RERE: variants seen among roughly 807,000 people sequenced by gnomAD.
RERE encodes arginine-glutamic acid dipeptide repeats protein.
A neutral mutation model predicts 146.1 loss-of-function variants in RERE; 40 were observed. The ratio of observed to expected loss-of-function variants is 0.27; its 90% confidence interval spans 0.21 to 0.36. RERE has a LOEUF of 0.36. Among genes scored for constraint, RERE ranks in the 10% least tolerant of loss-of-function variants. The pLI is 1.00. For missense variants in RERE, 1,933 were observed against 2,138.7 expected (o/e 0.90, Z 1.90); for synonymous variants, 1,003 against 866.0 (o/e 1.16, Z -2.78).
At chr1:8,529,287 C>CTTCTTTTTTTTT (rs1382281413) in intron 7 of RERE, among the ~76,000 whole-genome samples, 17 of 102,436 alleles carry the variant, frequency 1.7e-4, no homozygotes, top group African/African-American at 6.1e-4. Context: ...GTTCTCCCTT[C>CTTCTTTTTTTTT]TTTTTTTTTT....
chr1:8,559,647 C>T (rs1191352255), intron 4 of RERE, among the ~76,000 whole-genome samples: 1 of 152,102 alleles, frequency 6.6e-6, no homozygotes, highest in East Asian at 1.9e-4. Flanking sequence ...GATGTGCTAA[C>T]ATCTGACTTG....
chr1:8,785,455 C>T (rs567442817), intron 1 of RERE, among the ~76,000 whole-genome samples: 6 of 152,236 alleles, frequency 3.9e-5, no homozygotes, highest in Non-Finnish European at 8.8e-5. Context: ...TGCACATCTG[C>T]TGTTCCATCT....
intron 1 of RERE, among the ~76,000 whole-genome samples, chr1:8,770,923 G>A (rs1640937041): frequency 6.6e-6 from 1 of 152,070 alleles, no homozygotes; most frequent in African/African-American, 2.4e-5. Flanking sequence ...ACACTAACAT[G>A]TTTTCTTATG....
intron 2 of RERE, among the ~76,000 whole-genome samples, chr1:8,625,654 T>C (rs186986102): frequency 6.6e-6 from 1 of 152,310 alleles, no homozygotes; most frequent in African/African-American, 2.4e-5. Flanking sequence ...AGAATGAGTG[T>C]ATCTTACAAT....
intron 6 of RERE, among the ~76,000 whole-genome samples, chr1:8,547,275 C>T (rs1645875420): frequency 6.6e-6 from 1 of 152,118 alleles, no homozygotes; most frequent in Non-Finnish European, 1.5e-5. Context: ...ATGGTGACAT[C>T]TCAAACCACT....
chr1:8,558,328 G>A (rs1348425944), intron 4 of RERE, among the ~76,000 whole-genome samples: 1 of 152,100 alleles, frequency 6.6e-6, no homozygotes, highest in Non-Finnish European at 1.5e-5. Context: ...CAAGTTATGG[G>A]GCTGCAGCTT....
At chr1:8,516,363 T>C (rs1645418619) in intron 7 of RERE, among the ~76,000 whole-genome samples, 1 of 151,944 alleles carries the variant, frequency 6.6e-6, no homozygotes, top group Non-Finnish European at 1.5e-5. Flanking sequence ...ACGACAACTC[T>C]ATGAGGCAGT....
At chr1:8,475,173 A>C (rs1644737805) in intron 10 of RERE, among the ~76,000 whole-genome samples, 2 of 152,142 alleles carry the variant, frequency 1.3e-5, no homozygotes, top group Non-Finnish European at 2.9e-5. Flanking sequence ...CAGGAGTTCA[A>C]GACCAGCCTG....
At position 8,817,373 on chromosome 1, in the gene RERE, G is replaced by C. The variant is rs983070101; in HGVS notation, c.-358C>G. 6.6e-6 allele frequency: 1 copy of C among 152,086 alleles called. No individual in the cohort carries two copies. The highest frequency in any genetic ancestry group is 1.5e-5 in the Non-Finnish European group (1 of 68,046). The allele number at this position is 152,086 out of a possible 1,614,324, so 9.4% of individuals were successfully genotyped here. On this transcript the variant is annotated 5_prime_UTR_variant, in exon 1 of 23. Transcript: ENST00000400908. ...CTTGAACCTAGGCTCCCTCCTCCTC[G>C]GTCGGGCAGATCTTTCAGAAGCAGG... is the stretch of plus-strand genomic sequence containing the variant.
chr1:8,789,301 A>AAAAATATAT, intron 1 of RERE, among the ~76,000 whole-genome samples: 8 of 24,826 alleles, frequency 3.2e-4, no homozygotes, highest in African/African-American at 1.4e-3. Context: ...AAAAAAAAAA[A>AAAAATATAT]ATATATATAT....
intron 1 of RERE, among the ~76,000 whole-genome samples, chr1:8,771,775 T>C (rs1015750447): frequency 2.0e-5 from 3 of 150,896 alleles, no homozygotes; most frequent in Non-Finnish European, 4.4e-5. Flanking sequence ...CCAGGCGCGG[T>C]GGCGGGTGCC....
intron 11 of RERE, among the ~76,000 whole-genome samples, chr1:8,460,514 T>G (rs1050834176): frequency 6.6e-6 from 1 of 152,224 alleles, no homozygotes; most frequent in African/African-American, 2.4e-5. Flanking sequence ...AGCTTGTAAA[T>G]AAATCCATGT....
Position 8,356,561 on chromosome 1 carries a change from G to A in RERE, c.4340-315C>T, listed in dbSNP as rs188661089. Among the ~76,000 whole-genome samples the A allele has an allele frequency of 2.2e-4, 34 of 152,252 alleles. No homozygotes were observed. Among genetic ancestry groups the A allele is most frequent in the South Asian group, 8.3e-4 (4 of 4,826 alleles). On this transcript the variant is annotated intron_variant, in intron 20 of 22. Transcript: ENST00000400908. This position sits in a 1 kb window ranked among gnomAD's most constrained non-coding sequence, Gnocchi z 5.2. ...CGGGATCAGCAGGGTCCCTCTCGCC[G>A]GCCACCTGGGCCTGCCCTCTGCCTG...
intron 1 of RERE, among the ~76,000 whole-genome samples, chr1:8,810,204 T>G (rs577586086): frequency 3.9e-4 from 59 of 152,332 alleles, no homozygotes; most frequent in Admixed American, 1.0e-3. Flanking sequence ...TTCACCATGT[T>G]TGCCAGGCTG....
chr1:8,438,807 A>G (rs1458712976), intron 11 of RERE, among the ~76,000 whole-genome samples: 1 of 152,254 alleles, frequency 6.6e-6, no homozygotes, highest in East Asian at 1.9e-4. Context: ...TAATAATCCA[A>G]CTAAGTAAAA....
intron 10 of RERE, among the ~76,000 whole-genome samples, chr1:8,494,512 G>A (rs78770170): frequency 0.049 from 7,456 of 152,092 alleles, 603 homozygotes; most frequent in African/African-American, 0.17. Context: ...GGATCACAAG[G>A]TCAGGAGATT....
rs1383934735 is a variant in RERE at position 8,422,707 on chromosome 1, T to C, written c.1284+20A>G. 6.3e-7 allele frequency: 1 copy of C among 1,578,976 alleles called. No homozygotes were observed. ...GCAAAGAGGAAAAAATCAAGTTACA[T>C]AAAGTCCAATTGTACTCACTGTTTC... On this transcript the variant is annotated intron_variant, in intron 12 of 22. Transcript: ENST00000400908.
chr1:8,385,853 C>T (rs1642620010), intron 12 of RERE, among the ~76,000 whole-genome samples: 1 of 148,708 alleles, frequency 6.7e-6, no homozygotes, highest in African/African-American at 2.5e-5. Flanking sequence ...CCTGTAGTCC[C>T]AGCCACTCGG....
intron 12 of RERE, among the ~76,000 whole-genome samples, chr1:8,418,926 A>G (rs1283028650): frequency 2.6e-5 from 4 of 152,108 alleles, no homozygotes; most frequent in African/African-American, 4.8e-5. Context: ...TGTCCTCCCA[A>G]AAGTTCAGAC....
Sources: allele counts gnomAD v4.1 joint callset (sites outside exome capture counted in the v4.1 genomes callset), GRCh38; gene constraint gnomAD v4.1.1; non-coding constraint Gnocchi (gnomAD v3.1); transcripts MANE v1.5; gene names NCBI Gene and HGNC (gene_info 2026-07-23, HGNC 2026-07-21).